Variants in PRKAR1A observed in about 807,000 individuals in gnomAD.
The protein encoded by PRKAR1A is protein kinase cAMP-dependent type I regulatory subunit alpha, also known as cAMP-dependent protein kinase type I-alpha regulatory subunit.
Under a neutral mutation model 52.0 loss-of-function variants are expected in PRKAR1A, and 3 were observed. The ratio of observed to expected loss-of-function variants is 0.06; its 90% CI spans 0.03 to 0.15. The LOEUF (loss-of-function observed/expected upper bound fraction) is 0.15, where lower values mean the gene tolerates loss of function less well. Among genes scored for constraint, PRKAR1A ranks in the 10% least tolerant of loss-of-function variants. The pLI is 1.00. For missense variants in PRKAR1A, 240 were observed against 477.4 expected, an observed-to-expected ratio of 0.50 and a Z score of 4.63; for synonymous variants, 188 against 168.4, an observed-to-expected ratio of 1.12 and a Z score of -0.90.
the PRKAR1A span, among the ~76,000 whole-genome samples, chr17:68,501,923 G>C: frequency 6.6e-6 from 1 of 152,194 alleles, no homozygotes; most frequent in Admixed American, 6.5e-5. Flanking sequence ...TAGAAATCTA[G>C]GTATCATCTT....
chr17:68,417,228 TC>T, the PRKAR1A span, among the ~76,000 whole-genome samples: 1 of 152,168 alleles, frequency 6.6e-6, no homozygotes, highest in Non-Finnish European at 1.5e-5. Flanking sequence ...GAGCTGGGTA[TC>T]CCCCTACCCT....
At chr17:68,483,297 A>G in the PRKAR1A span, among the ~76,000 whole-genome samples, 1 of 152,086 alleles carries the variant, frequency 6.6e-6, no homozygotes, top group Admixed American at 6.6e-5. Context: ...CCTGGCCATT[A>G]TGGTGAAACC....
chr17:68,489,174 C>A, the PRKAR1A span, among the ~76,000 whole-genome samples: 1 of 83,300 alleles, frequency 1.2e-5, no homozygotes, highest in Non-Finnish European at 2.2e-5. Flanking sequence ...AAGTGAGCAC[C>A]CATCTTGGAA....
rs368070399 is a variant in PRKAR1A, at chr17:68,530,028, T to TA, written c.973+28dup. The TA allele has an allele frequency of 1.9e-5, 30 of 1,603,378 alleles. No homozygotes were observed. The African/African-American group carries it at 2.0e-4, about 11-fold the overall frequency. ...TATGTATGAATTCCCTCACAATAAA[T>TA]ACATGGTTTCTTTAAGTCACCTCTC... is the stretch of plus-strand genomic sequence containing the variant. On this transcript the variant is annotated intron_variant, in intron 10 of 10. Coordinates refer to ENST00000589228, the MANE Select transcript of PRKAR1A (RefSeq NM_002734.5).
At chr17:68,526,658 TA>T (rs2085800842) in intron 7 of PRKAR1A, among the ~76,000 whole-genome samples, 4 of 152,036 alleles carry the variant, frequency 2.6e-5, no homozygotes, top group Non-Finnish European at 4.4e-5. Flanking sequence ...CTAAGCAAAA[TA>T]ACACAGGAAC....
upstream of PRKAR1A, chr17:68,511,857 C>T (rs1025989709): frequency 3.3e-5 from 5 of 152,004 alleles, no homozygotes; most frequent in African/African-American, 1.2e-4. Flanking sequence ...CCACCTCCTC[C>T]GGGGGCTGGC....
At position 68,532,784 on chromosome 17, in the gene PRKAR1A, C is replaced by T. The variant is rs2086012531; in HGVS notation, c.*2335C>T. The T allele has an allele frequency of 5.6e-6, 6 of 1,066,308 alleles. No individual in the cohort carries two copies. The highest frequency in any genetic ancestry group is 6.8e-6 in the Non-Finnish European group (6 of 879,750). The allele number at this position is 1,066,308 out of a possible 1,614,324, so 66.1% of individuals were successfully genotyped here. On this transcript the variant is annotated 3_prime_UTR_variant, in exon 11 of 11. Coordinates refer to ENST00000589228, the MANE Select transcript of PRKAR1A (RefSeq NM_002734.5). ...TAAATTCTTAAATGAATCAGTTTTT[C>T]TTCCCTTTCTCCTTTCCGTCTTTCC...
At chr17:68,452,793 T>A in the PRKAR1A span, 1 of 851,602 alleles carries the variant, frequency 1.2e-6, no homozygotes. Flanking sequence ...CTTGACTCCC[T>A]AAGTTTGATG....
chr17:68,547,171 T>C (rs1049196545), intron 11 of PRKAR1A, among the ~76,000 whole-genome samples: 7 of 152,198 alleles, frequency 4.6e-5, no homozygotes, highest in Non-Finnish European at 1.0e-4. Context: ...GGCCTGAGGA[T>C]GTTTTGAATG....
the PRKAR1A span, among the ~76,000 whole-genome samples, chr17:68,469,214 G>A: frequency 6.6e-6 from 1 of 152,010 alleles, no homozygotes; most frequent in Non-Finnish European, 1.5e-5. Context: ...TATTTTCAAG[G>A]TAGGCTGCTT....
the PRKAR1A span, among the ~76,000 whole-genome samples, chr17:68,487,579 T>C: frequency 1.3e-5 from 2 of 152,080 alleles, no homozygotes; most frequent in African/African-American, 4.8e-5. Context: ...GGCGGGTGGA[T>C]TGCTTGAGGT....
In PRKAR1A at chr17:68,533,197, G is replaced by A. The variant is rs749069814; in HGVS notation, c.*2748G>A. 9 of 1,056,256 alleles carry A rather than the reference G, an allele frequency of 8.5e-6. No homozygotes were observed. The highest frequency in any genetic ancestry group is 4.2e-4 in the Middle Eastern group (1 of 2,398). The allele number at this position is 1,056,256 out of a possible 1,614,324, so 65.4% of individuals were successfully genotyped here. The stretch of plus-strand genomic sequence containing the variant: ...GCATATATAAAGCCTCATATATAAA[G>A]CCTTATTTCTGATGCTCTTAGATTT... On this transcript the variant is annotated 3_prime_UTR_variant, in exon 11 of 11. Transcript: ENST00000589228.
At chr17:68,489,255 ATATATG>A in the PRKAR1A span, among the ~76,000 whole-genome samples, 19 of 39,686 alleles carry the variant, frequency 4.8e-4, no homozygotes, top group East Asian at 8.1e-4. Context: ...ATATATATAT[ATATATG>A]GAAAGTATAT....
the PRKAR1A span, among the ~76,000 whole-genome samples, chr17:68,479,481 G>T: frequency 2.6e-5 from 4 of 152,132 alleles, no homozygotes; most frequent in Non-Finnish European, 5.9e-5. Flanking sequence ...AGTTTTGGAT[G>T]CTATCAGCCA....
the PRKAR1A span, among the ~76,000 whole-genome samples, chr17:68,470,339 C>A: frequency 3.3e-5 from 5 of 152,206 alleles, no homozygotes; most frequent in African/African-American, 9.6e-5. Context: ...CTTGGCCTCC[C>A]AAAGTGCTGG....
At chr17:68,450,929 G>C in the PRKAR1A span, 2 of 1,598,058 alleles carry the variant, frequency 1.3e-6, no homozygotes, top group Non-Finnish European at 1.7e-6. Flanking sequence ...AGGTTACATG[G>C]ATTGATCACT....
chr17:68,521,809 T>C (rs2085618958), intron 2 of PRKAR1A, among the ~76,000 whole-genome samples: 1 of 152,216 alleles, frequency 6.6e-6, no homozygotes. Flanking sequence ...AATTTATATA[T>C]AGAAAAGAAA....
At chr17:68,546,687 G>A (rs957499297) in intron 11 of PRKAR1A, among the ~76,000 whole-genome samples, 24 of 151,886 alleles carry the variant, frequency 1.6e-4, no homozygotes, top group African/African-American at 3.4e-4. Context: ...AAAATTATCC[G>A]GGCATGGTGG....
the PRKAR1A span, among the ~76,000 whole-genome samples, chr17:68,495,572 AG>A: frequency 2.0e-5 from 3 of 152,080 alleles, no homozygotes; most frequent in Admixed American, 2.0e-4. Flanking sequence ...CTTCCCATAC[AG>A]GGTTCTATAT....
Sources: gnomAD v4.1 joint callset for allele counts (sites outside exome capture counted in the v4.1 genomes callset) on GRCh38, gnomAD v4.1.1 for gene constraint, MANE v1.5 for transcripts, NCBI Gene and HGNC (gene_info 2026-07-23, HGNC 2026-07-21) for gene names.